The following THOC2 variants were observed in gnomAD, a reference collection of about 807,000 sequenced individuals.
THOC2 encodes THO complex subunit 2.
THOC2 carries 10 observed loss-of-function variants against 128.4 expected under a neutral mutation model. The ratio of observed to expected loss-of-function variants is 0.08; its 90% CI spans 0.05 to 0.13. The LOEUF is 0.13. THOC2 is among the 10% of genes least tolerant of loss of function. THOC2 has a pLI of 1.00. For missense variants in THOC2, 535 were observed against 1,155.7 expected (o/e 0.46, Z 7.79); for synonymous variants, 393 against 396.9 (o/e 0.99, Z 0.12).
At chrX:123,659,008 T>C (rs761669613) in intron 12 of THOC2, among the ~76,000 whole-genome samples, 2 of 112,264 alleles carry the variant, frequency 1.8e-5, no homozygotes, top group Non-Finnish European at 3.8e-5. Flanking sequence ...ATAGGTGCTA[T>C]CAAAAACATT....
intron 22 of THOC2, among the ~76,000 whole-genome samples, chrX:123,628,174 G>A (rs184027688): frequency 9.0e-6 from 1 of 111,503 alleles, no homozygotes; most frequent in Non-Finnish European, 1.9e-5. Flanking sequence ...CTTTAGTACT[G>A]TGTGCCAACT....
intron 13 of THOC2, 120 bp from the exon 14 acceptor site, chrX:123,645,029 T>C (rs2048067183): frequency 3.4e-6 from 2 of 580,345 alleles, no homozygotes; most frequent in Non-Finnish European, 5.3e-6. Context: ...CAATATCCCA[T>C]TCCTCACCCA....
intron 20 of THOC2, among the ~76,000 whole-genome samples, chrX:123,633,522 C>T (rs2047561114): frequency 9.0e-6 from 1 of 111,473 alleles, no homozygotes; most frequent in Admixed American, 9.6e-5. Flanking sequence ...CCTGCCTCAG[C>T]CTCCCAAGTA....
At chrX:123,703,265 T>C (rs2050777383) in intron 4 of THOC2, among the ~76,000 whole-genome samples, 189 bp downstream of exon 4, 1 of 112,239 alleles carries the variant, frequency 8.9e-6, no homozygotes, top group Non-Finnish European at 1.9e-5. Context: ...ATTTGAATTA[T>C]ACCTCTAAAG....
At chrX:123,611,080 C>T (rs1381318077) in intron 37 of THOC2, 117 bp from the exon 38 acceptor site, 4 of 633,033 alleles carry the variant, frequency 6.3e-6, no homozygotes, top group Middle Eastern at 6.2e-4. Flanking sequence ...GCCTGGTAGC[C>T]TCAAACTCTA....
chrX:123,668,499 T>C (rs2049133822), intron 9 of THOC2, among the ~76,000 whole-genome samples, 185 bp from the exon 10 acceptor site: 1 of 112,589 alleles, frequency 8.9e-6, no homozygotes, highest in African/African-American at 3.2e-5. Flanking sequence ...ACCTGAATTC[T>C]GTACCCCTTT....
intron 12 of THOC2, 61 bp downstream of exon 12, chrX:123,665,580 CA>C: frequency 2.6e-6 from 2 of 771,280 alleles, no homozygotes; most frequent in Admixed American, 6.6e-5. Context: ...ATACTCATAA[CA>C]CAAGTATACT....
At chrX:123,670,308 T>C (rs1051711191) in intron 9 of THOC2, among the ~76,000 whole-genome samples, 2 of 112,121 alleles carry the variant, frequency 1.8e-5, no homozygotes, top group African/African-American at 6.5e-5. Context: ...CATAAGGGGA[T>C]AAAAAAGCCC....
At chrX:123,728,918 C>T (rs1345007687) in intron 1 of THOC2, among the ~76,000 whole-genome samples, 1 of 111,639 alleles carries the variant, frequency 9.0e-6, no homozygotes, top group Admixed American at 9.6e-5. Flanking sequence ...AGATTAAGAG[C>T]TTCGAATATC....
intron 19 of THOC2, among the ~76,000 whole-genome samples, chrX:123,635,696 C>G (rs932108049): frequency 9.0e-5 from 10 of 111,689 alleles, no homozygotes; most frequent in African/African-American, 3.3e-4. Flanking sequence ...TCAAGATAAA[C>G]AAGTTCCTAC....
At chrX:123,678,332 C>T (rs1324809158) in intron 8 of THOC2, among the ~76,000 whole-genome samples, 1 of 104,695 alleles carries the variant, frequency 9.6e-6, no homozygotes, top group African/African-American at 3.5e-5. Context: ...GTGGCACGAT[C>T]TCGGCTCACT....
intron 11 of THOC2, 62 bp from the exon 12 acceptor site, chrX:123,665,899 T>C (rs773829781): frequency 6.5e-6 from 4 of 613,814 alleles, no homozygotes; most frequent in African/African-American, 4.7e-5. Context: ...AATATAACTA[T>C]ATACACACAC....
intron 12 of THOC2, among the ~76,000 whole-genome samples, chrX:123,656,397 A>G (rs2048587771): frequency 9.7e-6 from 1 of 102,839 alleles, no homozygotes; most frequent in Non-Finnish European, 2.0e-5. Context: ...TACTTCTAGG[A>G]GGGAAAAAGA....
intron 1 of THOC2, among the ~76,000 whole-genome samples, chrX:123,730,122 G>A (rs2052163791): frequency 1.8e-5 from 2 of 110,566 alleles, no homozygotes; most frequent in East Asian, 2.8e-4. Flanking sequence ...CTACATACAC[G>A]TAAGTTCTAA....
chrX:123,725,991 T>C (rs1249729822), intron 1 of THOC2, among the ~76,000 whole-genome samples: 6 of 111,495 alleles, frequency 5.4e-5, no homozygotes, highest in Non-Finnish European at 3.8e-5. Context: ...GGCAGATTAC[T>C]TGAGGTCAAG....
At chrX:123,732,567 G>A (rs2052320489) in intron 1 of THOC2, among the ~76,000 whole-genome samples, 1 of 112,309 alleles carries the variant, frequency 8.9e-6, no homozygotes, top group African/African-American at 3.2e-5. Context: ...ATGGCACAGA[G>A]AGAGATGGAA....
chrX:123,620,440 C>T (rs950987819), intron 32 of THOC2: 2 of 113,502 alleles, frequency 1.8e-5, no homozygotes, highest in African/African-American at 6.5e-5. Context: ...CCTTTCAAGA[C>T]TCCTTCTTAG....
intron 22 of THOC2, among the ~76,000 whole-genome samples, chrX:123,628,496 A>G (rs2047346897): frequency 9.0e-6 from 1 of 111,122 alleles, no homozygotes; most frequent in African/African-American, 3.3e-5. Context: ...AGGCGGGCAG[A>G]TCACTTGAGA....
intron 7 of THOC2, among the ~76,000 whole-genome samples, chrX:123,692,061 C>T (rs910106592): frequency 4.5e-5 from 5 of 111,503 alleles, no homozygotes; most frequent in Non-Finnish European, 7.5e-5. Flanking sequence ...ACTTGCTGAC[C>T]ACTGATTTAG....
Sources: gnomAD v4.1 joint callset for allele counts (sites outside exome capture counted in the v4.1 genomes callset) on GRCh38, gnomAD v4.1.1 for gene constraint, MANE v1.5 for transcripts, NCBI Gene and HGNC (gene_info 2026-07-23, HGNC 2026-07-21) for gene names.